RASA2: variants seen among roughly 807,000 people sequenced by gnomAD.
The protein encoded by RASA2 is ras GTPase-activating protein 2.
In RASA2, 155 loss-of-function variants were observed where a neutral mutation model predicts 118.2. The ratio of observed to expected loss-of-function variants is 1.31; its 90% CI spans 1.15 to 1.50. RASA2 has a LOEUF of 1.50. RASA2 is among the 40% of genes most tolerant of loss of function. The pLI, the probability that RASA2 is intolerant of heterozygous loss-of-function variation, is 0.00. For synonymous variants in RASA2, 353 were observed against 349.1 expected (o/e 1.01, Z -0.12); for missense variants, 1,016 against 1,009.6 (o/e 1.01, Z -0.09).
At chr3:141,588,150 T>C (rs1260260763) in intron 19 of RASA2, among the ~76,000 whole-genome samples, 6 of 152,170 alleles carry the variant, frequency 3.9e-5, no homozygotes, top group African/African-American at 1.4e-4. Flanking sequence ...ACATTAGTCT[T>C]TTACAGCTGT....
intron 9 of RASA2, among the ~76,000 whole-genome samples, chr3:141,566,077 G>A (rs2082816049): frequency 6.6e-6 from 1 of 152,160 alleles, no homozygotes; most frequent in African/African-American, 2.4e-5. Flanking sequence ...ATATATTAGA[G>A]GAGGTCATAG....
At chr3:141,566,481 A>G (rs957260518) in intron 9 of RASA2, among the ~76,000 whole-genome samples, 2 of 152,266 alleles carry the variant, frequency 1.3e-5, no homozygotes, top group African/African-American at 4.8e-5. Flanking sequence ...TGAGGAATCT[A>G]TAAAAGAGAC....
At chr3:141,573,901 G>C in intron 13 of RASA2, 43 bp from the exon 14 acceptor site, 2 of 1,532,120 alleles carry the variant, frequency 1.3e-6, no homozygotes, top group Non-Finnish European at 1.8e-6. Flanking sequence ...TTGAAGATGT[G>C]TGAACATCAA....
intron 17 of RASA2, among the ~76,000 whole-genome samples, 195 bp from the exon 18 acceptor site, chr3:141,585,829 CT>C (rs2107775923): frequency 6.6e-6 from 1 of 151,762 alleles, no homozygotes; most frequent in Non-Finnish European, 1.5e-5. Context: ...ATAAATAATA[CT>C]TTTATAATAC....
At chr3:141,586,162 G>A (rs369144386) in intron 18 of RASA2, 64 bp downstream of exon 18, 3 of 1,431,506 alleles carry the variant, frequency 2.1e-6, no homozygotes, top group Admixed American at 1.9e-5. Flanking sequence ...AGTACAAAGA[G>A]CGTGGGTCTA....
intron 3 of RASA2, among the ~76,000 whole-genome samples, chr3:141,518,716 A>C (rs958941434): frequency 1.3e-5 from 2 of 151,742 alleles, no homozygotes; most frequent in Non-Finnish European, 2.9e-5. Flanking sequence ...AACCTTTAAA[A>C]CAATATGTTT....
intron 22 of RASA2, 141 bp from the exon 23 acceptor site, chr3:141,609,736 A>G: frequency 3.7e-6 from 3 of 800,426 alleles, no homozygotes; most frequent in Non-Finnish European, 5.6e-6. Flanking sequence ...AATAAATAAA[A>G]TGTATATATT....
chr3:141,573,100 T>G (rs771214679), intron 12 of RASA2, 47 bp from the exon 13 acceptor site: 59 of 1,445,466 alleles, frequency 4.1e-5, no homozygotes, highest in Non-Finnish European at 5.0e-5. Flanking sequence ...TTTCATTTTG[T>G]CAGACTACTT....
chr3:141,555,032 C>T (rs1419530629), intron 6 of RASA2, among the ~76,000 whole-genome samples: 2 of 152,074 alleles, frequency 1.3e-5, no homozygotes, highest in African/African-American at 2.4e-5. Context: ...GAGGCCGAGG[C>T]GGGTGGATTA....
chr3:141,520,647 C>T (rs1252765665), intron 3 of RASA2, among the ~76,000 whole-genome samples: 3 of 151,506 alleles, frequency 2.0e-5, no homozygotes, highest in African/African-American at 7.3e-5. Context: ...GTTACATACA[C>T]ATATATATAT....
At chr3:141,513,208 TA>T (rs2081978472) in intron 2 of RASA2, among the ~76,000 whole-genome samples, 1 of 151,530 alleles carries the variant, frequency 6.6e-6, no homozygotes, top group Admixed American at 6.6e-5. Context: ...TTTTTTTTTT[TA>T]TGCCTTTAAA....
intron 19 of RASA2, among the ~76,000 whole-genome samples, chr3:141,602,106 AC>A (rs2083473655): frequency 6.6e-6 from 1 of 152,158 alleles, no homozygotes; most frequent in Admixed American, 6.6e-5. Context: ...CAGTATCTGG[AC>A]CCATTCAGAA....
At chr3:141,565,664 T>C (rs2082808756) in intron 9 of RASA2, among the ~76,000 whole-genome samples, 1 of 152,200 alleles carries the variant, frequency 6.6e-6, no homozygotes, top group Admixed American at 6.5e-5. Context: ...TCTGCCATGA[T>C]TGCGAGGTCT....
chr3:141,608,391 A>G, intron 20 of RASA2, 98 bp from the exon 21 acceptor site: 1 of 1,153,402 alleles, frequency 8.7e-7, no homozygotes, highest in Non-Finnish European at 1.3e-6. Context: ...TTATCTAGCC[A>G]AGCAACTAGA....
chr3:141,576,284 A>G (rs2083010950), intron 14 of RASA2, among the ~76,000 whole-genome samples: 2 of 152,232 alleles, frequency 1.3e-5, no homozygotes, highest in Admixed American at 1.3e-4. Flanking sequence ...GGTAGAAAGC[A>G]GATATTACTA....
intron 5 of RASA2, among the ~76,000 whole-genome samples, chr3:141,543,465 A>G (rs190653902): frequency 4.9e-4 from 74 of 152,312 alleles, no homozygotes; most frequent in Non-Finnish European, 8.5e-4. Context: ...AGGAAAGTGT[A>G]AGTCTGTTGT....
chr3:141,518,587 C>G (rs1310945523), intron 3 of RASA2, among the ~76,000 whole-genome samples: 1 of 139,870 alleles, frequency 7.1e-6, no homozygotes, highest in Non-Finnish European at 1.5e-5. Flanking sequence ...AACTCCTTAA[C>G]AAATGGTCTG....
intron 19 of RASA2, 126 bp from the exon 20 acceptor site, chr3:141,607,552 T>A: frequency 1.0e-6 from 1 of 972,734 alleles, no homozygotes; most frequent in East Asian, 3.3e-5. Context: ...CATTTGTAAG[T>A]CTTCTGTAGG....
chr3:141,562,252 C>T (rs1337197527), intron 9 of RASA2, among the ~76,000 whole-genome samples: 1 of 149,834 alleles, frequency 6.7e-6, no homozygotes, highest in Non-Finnish European at 1.5e-5. Context: ...AGCCTTTGGT[C>T]TCACATTTTT....
Sources: gnomAD v4.1 joint callset for allele counts (sites outside exome capture counted in the v4.1 genomes callset) on GRCh38, gnomAD v4.1.1 for gene constraint, MANE v1.5 for transcripts, NCBI Gene and HGNC (gene_info 2026-07-23, HGNC 2026-07-21) for gene names.